The following LOC128706666 variants were observed in gnomAD, a reference collection of about 807,000 sequenced individuals.
At chr20:10,420,377 AACTGC>A in the LOC128706666 span, among the ~76,000 whole-genome samples, 1 of 152,200 alleles carries the variant, frequency 6.6e-6, no homozygotes. Context: ...TTCTAGAAAC[AACTGC>A]AGAATAGTAT....
At chr20:10,427,482 A>C in the LOC128706666 span, among the ~76,000 whole-genome samples, 1 of 152,218 alleles carries the variant, frequency 6.6e-6, no homozygotes, top group Non-Finnish European at 1.5e-5. Context: ...GTTTACTGGA[A>C]TTGTACTATG....
the LOC128706666 span, among the ~76,000 whole-genome samples, chr20:10,427,029 GACACAC>G: frequency 0.064 from 8,402 of 130,632 alleles, 292 homozygotes; most frequent in Middle Eastern, 0.093. Flanking sequence ...AGAAAACACT[GACACAC>G]ACACACACAC....
the LOC128706666 span, among the ~76,000 whole-genome samples, chr20:10,426,120 T>C: frequency 6.6e-6 from 1 of 152,272 alleles, no homozygotes; most frequent in African/African-American, 2.4e-5. Context: ...TTTGCTTTCA[T>C]AGCAACTTTA....
chr20:10,431,229 G>T, the LOC128706666 span, among the ~76,000 whole-genome samples: 5 of 152,048 alleles, frequency 3.3e-5, no homozygotes, highest in Admixed American at 6.6e-5. Context: ...CGAATATTTT[G>T]ACTAAAATTG....
the LOC128706666 span, among the ~76,000 whole-genome samples, chr20:10,418,292 C>T: frequency 6.6e-6 from 1 of 152,128 alleles, no homozygotes; most frequent in Non-Finnish European, 1.5e-5. Context: ...TGGCGAAATG[C>T]CCTTAACTAT....
chr20:10,424,048 T>C, the LOC128706666 span, among the ~76,000 whole-genome samples: 2 of 152,214 alleles, frequency 1.3e-5, no homozygotes, highest in East Asian at 3.8e-4. Flanking sequence ...TTTGAGAGGC[T>C]TGGGAAATGA....
the LOC128706666 span, among the ~76,000 whole-genome samples, chr20:10,419,925 C>T: frequency 6.6e-6 from 1 of 152,094 alleles, no homozygotes; most frequent in Non-Finnish European, 1.5e-5. Flanking sequence ...AGCCAAACTG[C>T]GGATAAAGGG....
At chr20:10,417,384 G>A in the LOC128706666 span, among the ~76,000 whole-genome samples, 1 of 152,210 alleles carries the variant, frequency 6.6e-6, no homozygotes, top group Non-Finnish European at 1.5e-5. Context: ...GCCAAGGCAG[G>A]AGGATTGCTT....
the LOC128706666 span, among the ~76,000 whole-genome samples, chr20:10,427,942 G>C: frequency 2.0e-5 from 3 of 152,204 alleles, no homozygotes; most frequent in East Asian, 5.8e-4. Context: ...AACTGAGTCA[G>C]GAGTGGATCT....
the LOC128706666 span, among the ~76,000 whole-genome samples, chr20:10,419,593 C>T: frequency 6.6e-6 from 1 of 152,136 alleles, no homozygotes; most frequent in Non-Finnish European, 1.5e-5. Context: ...ACATACATAC[C>T]TATGATAAAG....
the LOC128706666 span, among the ~76,000 whole-genome samples, chr20:10,426,453 G>A: frequency 6.6e-6 from 1 of 152,212 alleles, no homozygotes; most frequent in African/African-American, 2.4e-5. Context: ...TTGCCCAAGG[G>A]GGAGCGTAGT....
At chr20:10,421,739 G>C in the LOC128706666 span, among the ~76,000 whole-genome samples, 5 of 151,926 alleles carry the variant, frequency 3.3e-5, no homozygotes, top group Non-Finnish European at 5.9e-5. Flanking sequence ...ACTGGGGCTA[G>C]ACAGTTGCCT....
the LOC128706666 span, among the ~76,000 whole-genome samples, chr20:10,424,269 A>G: frequency 6.6e-6 from 1 of 151,904 alleles, no homozygotes; most frequent in Non-Finnish European, 1.5e-5. Context: ...AAAAGGAAAA[A>G]AAAAGGCCAG....
the LOC128706666 span, among the ~76,000 whole-genome samples, chr20:10,426,549 G>A: frequency 9.2e-5 from 14 of 152,110 alleles, no homozygotes; most frequent in African/African-American, 3.1e-4. Context: ...ACAGGCCCAC[G>A]CCACCATGCC....
the LOC128706666 span, among the ~76,000 whole-genome samples, chr20:10,431,025 G>A: frequency 8.5e-5 from 13 of 152,168 alleles, no homozygotes; most frequent in African/African-American, 3.1e-4. Context: ...TCAATGTCAT[G>A]ATCTGAAATA....
the LOC128706666 span, among the ~76,000 whole-genome samples, chr20:10,430,067 T>C: frequency 6.6e-6 from 1 of 152,190 alleles, no homozygotes; most frequent in Non-Finnish European, 1.5e-5. Context: ...ACAAATCTGG[T>C]TGTATTCCTG....
the LOC128706666 span, among the ~76,000 whole-genome samples, chr20:10,423,427 C>A: frequency 2.0e-5 from 3 of 151,932 alleles, no homozygotes; most frequent in Non-Finnish European, 2.9e-5. Flanking sequence ...TTCAAAAAAA[C>A]AAACCAAAAG....
the LOC128706666 span, among the ~76,000 whole-genome samples, chr20:10,415,376 A>C: frequency 6.6e-6 from 1 of 152,170 alleles, no homozygotes; most frequent in African/African-American, 2.4e-5. Flanking sequence ...ATGTGCAAAG[A>C]GGTGGGCAGA....
the LOC128706666 span, among the ~76,000 whole-genome samples, chr20:10,433,689 G>A: frequency 1.3e-5 from 2 of 152,100 alleles, no homozygotes; most frequent in East Asian, 3.9e-4. Context: ...CGCCGTCGGA[G>A]GGCGGCCCCC....
Sources: allele counts gnomAD v4.1 joint callset (sites outside exome capture counted in the v4.1 genomes callset), GRCh38; gene constraint gnomAD v4.1.1; transcripts MANE v1.5.